GALNTL6: variants seen among roughly 807,000 people sequenced by gnomAD.
The protein encoded by GALNTL6 is polypeptide N-acetylgalactosaminyltransferase-like 6.
GALNTL6 carries 46 observed loss-of-function variants against 73.7 expected under a neutral mutation model. That is an observed-to-expected ratio of 0.62 (90% CI 0.49 to 0.80). The LOEUF (loss-of-function observed/expected upper bound fraction) is 0.80. GALNTL6 is among the 30% of genes least tolerant of loss of function. GALNTL6 has a pLI of 0.00. For missense variants in GALNTL6, 604 were observed against 755.0 expected, an observed-to-expected ratio of 0.80 and a Z score of 2.34; for synonymous variants, 259 against 263.7, an observed-to-expected ratio of 0.98 and a Z score of 0.17.
intron 4 of GALNTL6, among the ~76,000 whole-genome samples, chr4:172,326,720 T>C (rs1197904252): frequency 6.6e-6 from 1 of 151,976 alleles, no homozygotes; most frequent in East Asian, 1.9e-4. Context: ...TTAATATAGC[T>C]TCTCTATTTG....
intron 12 of GALNTL6, among the ~76,000 whole-genome samples, chr4:173,034,081 C>T (rs1020832448): frequency 6.6e-6 from 1 of 152,144 alleles, no homozygotes. Flanking sequence ...TCTAGACATC[C>T]ACCTCCTCCC....
chr4:172,334,080 G>T (rs1741227326), intron 4 of GALNTL6, among the ~76,000 whole-genome samples: 1 of 151,994 alleles, frequency 6.6e-6, no homozygotes, highest in African/African-American at 2.4e-5. Flanking sequence ...GTGCTATTTG[G>T]TATGGGTTAC....
chr4:172,645,573 T>C (rs1355128240), intron 5 of GALNTL6, among the ~76,000 whole-genome samples: 3 of 151,758 alleles, frequency 2.0e-5, no homozygotes, highest in Admixed American at 2.0e-4. Flanking sequence ...TTGTTCCCTA[T>C]AGGAGCAAAG....
chr4:171,825,990 G>A (rs1434583126), intron 2 of GALNTL6, among the ~76,000 whole-genome samples: 1 of 152,104 alleles, frequency 6.6e-6, no homozygotes, highest in Non-Finnish European at 1.5e-5. Flanking sequence ...TCCAAACTAC[G>A]CAACCAGAAA....
At chr4:171,912,828 C>G (rs1238975816) in intron 2 of GALNTL6, among the ~76,000 whole-genome samples, 1 of 152,172 alleles carries the variant, frequency 6.6e-6, no homozygotes, top group Admixed American at 6.5e-5. Flanking sequence ...GCTTCCTTCA[C>G]TTAACATAAT....
At chr4:172,194,855 C>A (rs969396344) in intron 2 of GALNTL6, among the ~76,000 whole-genome samples, 1 of 152,096 alleles carries the variant, frequency 6.6e-6, no homozygotes, top group Non-Finnish European at 1.5e-5. Flanking sequence ...CTGAAGTACA[C>A]ACACCAATGA....
chr4:172,481,896 C>G (rs1235225181), intron 5 of GALNTL6, among the ~76,000 whole-genome samples: 1 of 152,226 alleles, frequency 6.6e-6, no homozygotes, highest in Non-Finnish European at 1.5e-5. Flanking sequence ...CACTCCTCAG[C>G]CCTTGGGCAG....
At chr4:171,871,909 A>G (rs1736147165) in intron 2 of GALNTL6, among the ~76,000 whole-genome samples, 1 of 152,248 alleles carries the variant, frequency 6.6e-6, no homozygotes, top group Non-Finnish European at 1.5e-5. Context: ...AAATGCAGTT[A>G]TGAAAGCTGT....
chr4:172,598,621 G>A (rs185098097), intron 5 of GALNTL6, among the ~76,000 whole-genome samples: 90 of 151,448 alleles, frequency 5.9e-4, no homozygotes, highest in African/African-American at 1.9e-3. Flanking sequence ...CTAAATTTAC[G>A]TCTACAGTTC....
At chr4:172,905,779 A>ACTTTCTCC (rs1746851597) in intron 8 of GALNTL6, among the ~76,000 whole-genome samples, 1 of 145,182 alleles carries the variant, frequency 6.9e-6, no homozygotes, top group Non-Finnish European at 1.5e-5. Context: ...GAGTTTTAAG[A>ACTTTCTCC]TGGAAAAGAA....
At chr4:172,542,679 C>T (rs1158190615) in intron 5 of GALNTL6, among the ~76,000 whole-genome samples, 2 of 152,106 alleles carry the variant, frequency 1.3e-5, no homozygotes, top group Non-Finnish European at 2.9e-5. Context: ...CTTTGTTTTT[C>T]GGGTTTCTCT....
At chr4:173,006,727 C>T (rs1752313257) in intron 10 of GALNTL6, among the ~76,000 whole-genome samples, 1 of 152,154 alleles carries the variant, frequency 6.6e-6, no homozygotes. Context: ...CAACTAGTTC[C>T]CAAGGGGTCA....
intron 5 of GALNTL6, among the ~76,000 whole-genome samples, chr4:172,672,269 A>G (rs1579317420): frequency 6.6e-6 from 1 of 152,318 alleles, no homozygotes; most frequent in Middle Eastern, 3.4e-3. Flanking sequence ...TGAGATAATC[A>G]TGTGGTTTTT....
intron 2 of GALNTL6, among the ~76,000 whole-genome samples, chr4:172,054,263 T>C (rs1324084445): frequency 1.3e-5 from 2 of 152,158 alleles, no homozygotes; most frequent in African/African-American, 4.8e-5. Context: ...AAACATATTT[T>C]TATAACAGGG....
At chr4:172,488,974 C>T (rs3104246) in intron 5 of GALNTL6, among the ~76,000 whole-genome samples, 16,897 of 152,142 alleles carry the variant, frequency 0.11, 1,003 homozygotes, top group East Asian at 0.23. Context: ...CCATTCCATT[C>T]GTCTACTCAA....
intron 2 of GALNTL6, among the ~76,000 whole-genome samples, chr4:172,190,857 G>C (rs1735556991): frequency 6.6e-6 from 1 of 152,228 alleles, no homozygotes; most frequent in African/African-American, 2.4e-5. Flanking sequence ...TACTGCAACT[G>C]TTCTTGTCTA....
intron 2 of GALNTL6, among the ~76,000 whole-genome samples, chr4:171,924,922 TC>T (rs1249441211): frequency 1.3e-5 from 2 of 152,080 alleles, no homozygotes; most frequent in Non-Finnish European, 2.9e-5. Flanking sequence ...AATAATGAGC[TC>T]CACCTGTTGT....
chr4:172,156,587 A>G (rs1173696556), intron 2 of GALNTL6, among the ~76,000 whole-genome samples: 2 of 133,654 alleles, frequency 1.5e-5, no homozygotes, highest in African/African-American at 6.0e-5. Context: ...TATATATAGT[A>G]TATTGTACTT....
chr4:172,586,497 T>C (rs990368409), intron 5 of GALNTL6, among the ~76,000 whole-genome samples: 2 of 150,080 alleles, frequency 1.3e-5, no homozygotes, highest in South Asian at 2.1e-4. Flanking sequence ...AAAAAGGACA[T>C]TTCAAGATGA....
Sources: gnomAD v4.1 joint callset for allele counts (sites outside exome capture counted in the v4.1 genomes callset) on GRCh38, gnomAD v4.1.1 for gene constraint, MANE v1.5 for transcripts, NCBI Gene and HGNC (gene_info 2026-07-23, HGNC 2026-07-21) for gene names.